HERC1: variants seen among roughly 807,000 people sequenced by gnomAD.
The protein encoded by HERC1 is HECT and RLD domain containing E3 ubiquitin protein ligase family member 1, also known as probable E3 ubiquitin-protein ligase HERC1.
In HERC1, 160 loss-of-function variants were observed where a neutral mutation model predicts 554.3. The observed-to-expected ratio is 0.29, with a 90% CI of 0.25 to 0.33. The LOEUF is 0.33. HERC1 is among the 10% of genes least tolerant of loss of function. HERC1 has a pLI of 1.00. For synonymous variants in HERC1, 2,175 were observed against 2,131.7 expected, an observed-to-expected ratio of 1.02 and a Z score of -0.56; for missense variants, 4,919 against 5,918.5, an observed-to-expected ratio of 0.83 and a Z score of 5.54.
chr15:63,776,229 T>G (rs1371690688), intron 1 of HERC1, among the ~76,000 whole-genome samples: 1 of 152,114 alleles, frequency 6.6e-6, no homozygotes, highest in Admixed American at 6.5e-5. Flanking sequence ...CCCCTCCACA[T>G]GGCTATCTAA....
At chr15:63,792,516 C>A (rs895470787) in intron 1 of HERC1, among the ~76,000 whole-genome samples, 1 of 152,214 alleles carries the variant, frequency 6.6e-6, no homozygotes, top group Non-Finnish European at 1.5e-5. Context: ...GTATCCCCAA[C>A]TAATTCCCTT....
At chr15:63,824,361 A>G (rs1254123730) in intron 1 of HERC1, among the ~76,000 whole-genome samples, 1 of 151,876 alleles carries the variant, frequency 6.6e-6, no homozygotes, top group African/African-American at 2.4e-5. Flanking sequence ...GTGAAACCCC[A>G]TCTCTACTAA....
At chr15:63,792,995 C>T (rs559697735) in intron 1 of HERC1, among the ~76,000 whole-genome samples, 2 of 152,314 alleles carry the variant, frequency 1.3e-5, no homozygotes, top group South Asian at 4.1e-4. Flanking sequence ...CTTATACTTA[C>T]ATTTATGGGT....
chr15:63,655,789 C>T lies in HERC1; in HGVS notation c.10037G>A (p.Gly3346Glu). 6.3e-7 allele frequency: 1 copy of T among 1,575,508 alleles called. No homozygotes were observed. Among genetic ancestry groups the T allele is most frequent in the Non-Finnish European group, 8.6e-7 (1 of 1,159,154 alleles). Residue 3346 changes from glycine (G) to glutamate (E), a missense_variant, in exon 50 of 78, where the codon GGG (glycine) becomes GAG (glutamate). Physicochemically the swap from Gly to Glu is moderately conservative, Grantham distance 98. Coordinates refer to ENST00000443617, the MANE Select transcript of HERC1 (RefSeq NM_003922.4). ...QALVALLADK[G>E]AKLRPNYDKS... ...ATCATAGTTAGGTCTTAGTTTGGCC[C>T]CTTTGTCTGCTAGCAATGCCACAAG...
At position 63,633,781 on chromosome 15, in the gene HERC1, AATAACTACTG is replaced by A; in HGVS notation, c.12693+57_12693+66del. The A allele has an allele frequency of 8.7e-6, 13 of 1,498,000 alleles. 1 individual carries two copies. The South Asian group carries it at 1.6e-4, about 19-fold the overall frequency. The allele number at this position is 1,498,000 out of a possible 1,614,324, so 92.8% of individuals were successfully genotyped here. Reference sequence around the variant, plus strand: ...TAAAGGTAAATTATTTCCAACTAATAATAACTACTGACATAGATGAAAACTATTTATGTTG... The same window carrying A: ...TAAAGGTAAATTATTTCCAACTAATAACATAGATGAAAACTATTTATGTTG... On this transcript the variant is annotated intron_variant, in intron 67 of 77. Transcript: ENST00000443617.
chr15:63,749,766 C>G lies in HERC1; in HGVS notation c.1928G>C (p.Cys643Ser). Residue 643 changes from cysteine to serine, a missense_variant, in exon 9 of 78, where the codon TGT becomes TCT. Physicochemically the swap from Cys to Ser is moderately radical, Grantham distance 112. Coordinates refer to ENST00000443617, the MANE Select transcript of HERC1 (RefSeq NM_003922.4). The surrounding 1 kb of genome is among the most constrained non-coding windows in gnomAD (Gnocchi z 4.1). ...AGCTTCTGAAGAACCACAACCTAGACAAGCTCCACAGCCCCAAGCATAGAC... is the reference window on the plus strand; with the variant it reads ...AGCTTCTGAAGAACCACAACCTAGAGAAGCTCCACAGCCCCAAGCATAGAC... ...GQVYAWGCGA[C>S]LGCGSSEATA... 1.9e-6 allele frequency: 3 copies of G among 1,577,644 alleles called. No homozygotes were observed. Among genetic ancestry groups the G allele is most frequent in the Non-Finnish European group, 2.6e-6 (3 of 1,160,952 alleles).
Position 63,749,586 on chromosome 15 carries a change from A to G in HERC1, c.2048-48T>C. 1 of 1,572,434 alleles carries G rather than the reference A, an allele frequency of 6.4e-7. No individual in the cohort carries two copies. The highest frequency in any genetic ancestry group is 8.6e-7 in the Non-Finnish European group (1 of 1,160,622). On this transcript the variant is annotated intron_variant, in intron 9 of 77. Coordinates refer to ENST00000443617, the MANE Select transcript of HERC1 (RefSeq NM_003922.4). This position sits in a 1 kb window ranked among gnomAD's most constrained non-coding sequence, Gnocchi z 4.1. Reference sequence around the variant, plus strand: ...TATATAAAAGAAAAGCCAAATTCAAATGTAATATATTTACACAAGACAACA... The same window carrying G: ...TATATAAAAGAAAAGCCAAATTCAAGTGTAATATATTTACACAAGACAACA...
Position 63,747,910 on chromosome 15 carries a change from T to A in HERC1, c.2220-52A>T. On this transcript the variant is annotated intron_variant, in intron 10 of 77. Transcript: ENST00000443617. The stretch of plus-strand genomic sequence containing the variant: ...AAACAGTCTTAAAATGAAATTTTTA[T>A]GCACGATCAAAAACGAAAATTAAAA... The A allele has an allele frequency of 4.0e-6, 6 of 1,500,014 alleles. 1 individual carries two copies. The South Asian group carries it at 7.7e-5, about 19-fold the overall frequency. The allele number at this position is 1,500,014 out of a possible 1,614,324, so 92.9% of individuals were successfully genotyped here.
At chr15:63,623,966 A>G (rs975860953) in intron 72 of HERC1, 76 bp from the exon 73 acceptor site, 52 of 1,497,842 alleles carry the variant, frequency 3.5e-5, no homozygotes, top group Non-Finnish European at 4.6e-5. Flanking sequence ...TCTTCCCATC[A>G]GTGAATGAAA....
chr15:63,822,977 A>C (rs1413488323), intron 1 of HERC1, among the ~76,000 whole-genome samples: 1 of 152,256 alleles, frequency 6.6e-6, no homozygotes, highest in Non-Finnish European at 1.5e-5. Context: ...TTCAGAGGAA[A>C]TAATGAGAAT....
intron 61 of HERC1, among the ~76,000 whole-genome samples, chr15:63,639,025 T>C (rs1475060501): frequency 6.6e-6 from 1 of 152,214 alleles, no homozygotes; most frequent in African/African-American, 2.4e-5. Flanking sequence ...AGCCATGTGT[T>C]TTCTGAACAC....
chr15:63,747,875 GA>G lies in HERC1; in HGVS notation c.2220-18del. On this transcript the variant is annotated intron_variant, in intron 10 of 77. Transcript: ENST00000443617. Reference sequence around the variant, plus strand: ...ACAACTTGTCTAGAAGGACACATAAGAAAATAATAAAACAGTCTTAAAATGA... The same window carrying G: ...ACAACTTGTCTAGAAGGACACATAAGAAATAATAAAACAGTCTTAAAATGA... 12 of 1,526,046 alleles carry G rather than the reference GA, an allele frequency of 7.9e-6. No individual in the cohort carries two copies. The highest frequency in any genetic ancestry group is 1.1e-5 in the Non-Finnish European group (12 of 1,137,486). 94.5% of individuals were successfully genotyped at this position (1,526,046 alleles called of 1,614,324 possible).
chr15:63,786,978 G>A (rs1026271853), intron 1 of HERC1, among the ~76,000 whole-genome samples: 8 of 143,112 alleles, frequency 5.6e-5, no homozygotes, highest in African/African-American at 1.8e-4. Flanking sequence ...AGTCGGTAGT[G>A]CAATGGCATG....
At chr15:63,696,933 TAAAAAA>T (rs10546655) in intron 26 of HERC1, among the ~76,000 whole-genome samples, 1 of 136,558 alleles carries the variant, frequency 7.3e-6, no homozygotes, top group Non-Finnish European at 1.6e-5. Context: ...CCTTCTTCTT[TAAAAAA>T]AAAAAAAAAA....
intron 1 of HERC1, among the ~76,000 whole-genome samples, chr15:63,820,193 T>C (rs111776050): frequency 6.6e-6 from 1 of 152,148 alleles, no homozygotes; most frequent in Non-Finnish European, 1.5e-5. Flanking sequence ...AGTGTGCTAG[T>C]GTTATTCCTT....
Position 63,624,289 on chromosome 15 carries a change from A to G in HERC1, c.13314T>C (p.Ile4438=). 5 of 1,612,262 alleles carry G rather than the reference A, an allele frequency of 3.1e-6. No homozygotes were observed. The highest frequency in any genetic ancestry group is 2.2e-5 in the East Asian group (1 of 44,824). ...ACAAAGGCCGAAGTTGTCCCTGTAC[A>G]ATGCCCCAAGTTCCAGCATTATAAT... The part of the protein sequence containing the change: ...TSHYNAGTWG[I]VQGQLRPLLA... The change falls in exon 72 of 78, where the codon ATT becomes ATC. Residue 4438 remains isoleucine (I), a synonymous_variant. Transcript: ENST00000443617.
At position 63,821,102 on chromosome 15, in the gene HERC1, C is replaced by G. The variant is rs373231410; in HGVS notation, c.-27+12725G>C. 3.3e-5 allele frequency among the ~76,000 whole-genome samples: 5 copies of G among 152,292 alleles called. No individual in the cohort carries two copies. The East Asian group carries it at 7.7e-4, about 23-fold the overall frequency. ...AGAATTCACAGCATTGTTTAACTGA[C>G]TCAACAGTCCTCCTTTAGCTTAAGA... On this transcript the variant is annotated intron_variant, in intron 1 of 77. Coordinates refer to ENST00000443617, the MANE Select transcript of HERC1 (RefSeq NM_003922.4).
chr15:63,693,155 G>A (rs1022853126), intron 30 of HERC1, among the ~76,000 whole-genome samples: 13 of 151,960 alleles, frequency 8.6e-5, no homozygotes, highest in African/African-American at 2.7e-4. Flanking sequence ...TCCAGCCTGG[G>A]TGACAGGGTG....
At chr15:63,616,007 C>G in intron 75 of HERC1, 87 bp from the exon 76 acceptor site, 1 of 1,107,932 alleles carries the variant, frequency 9.0e-7, no homozygotes, top group Non-Finnish European at 1.3e-6. Context: ...ACAGCAATAA[C>G]AAACTCACAA....
Sources: allele counts gnomAD v4.1 joint callset (sites outside exome capture counted in the v4.1 genomes callset), GRCh38; gene constraint gnomAD v4.1.1; non-coding constraint Gnocchi (gnomAD v3.1); transcripts MANE v1.5; gene names NCBI Gene and HGNC (gene_info 2026-07-23, HGNC 2026-07-21).